Variants in NBEA observed in about 807,000 individuals in gnomAD.
NBEA encodes neurobeachin, also known as lysosomal-trafficking regulator 2.
A neutral mutation model predicts 343.4 loss-of-function variants in NBEA; 44 were observed. That is an observed-to-expected ratio of 0.13 (90% CI 0.10 to 0.16). The LOEUF (loss-of-function observed/expected upper bound fraction) is 0.16. Among genes scored for constraint, NBEA ranks in the 10% least tolerant of loss-of-function variants. The pLI is 1.00. For synonymous variants in NBEA, 1,175 were observed against 1,238.7 expected (o/e 0.95, Z 1.08); for missense variants, 2,555 against 3,631.3 (o/e 0.70, Z 7.62).
At chr13:35,374,658 A>G (rs1232997894) in intron 38 of NBEA, among the ~76,000 whole-genome samples, 10 of 152,152 alleles carry the variant, frequency 6.6e-5, no homozygotes, top group Non-Finnish European at 1.0e-4. Flanking sequence ...CAAATTGGTA[A>G]TAAATTTAAA....
chr13:34,949,844 T>A (rs1460848219), intron 1 of NBEA, among the ~76,000 whole-genome samples: 3 of 152,182 alleles, frequency 2.0e-5, no homozygotes, highest in Non-Finnish European at 4.4e-5. Context: ...TGCAGTAATT[T>A]GTCTTTGTCT....
At chr13:35,253,542 C>CT (rs2032227148) in intron 34 of NBEA, among the ~76,000 whole-genome samples, 1 of 152,178 alleles carries the variant, frequency 6.6e-6, no homozygotes, top group Non-Finnish European at 1.5e-5. Flanking sequence ...TTCAGTATCT[C>CT]TGAGGATGCC....
chr13:35,531,829 T>G (rs1004741761), intron 41 of NBEA, among the ~76,000 whole-genome samples: 6 of 152,232 alleles, frequency 3.9e-5, no homozygotes, highest in South Asian at 2.1e-4. Flanking sequence ...TGTCACCATT[T>G]TAAGTAAGCA....
intron 39 of NBEA, among the ~76,000 whole-genome samples, chr13:35,440,155 C>G (rs769051907): frequency 7.9e-5 from 12 of 152,218 alleles, no homozygotes; most frequent in Non-Finnish European, 1.8e-4. Flanking sequence ...GCTGGGGTTA[C>G]AGGCATGAGC....
At chr13:35,567,149 T>C in intron 45 of NBEA, 132 bp downstream of exon 45, 1 of 497,770 alleles carries the variant, frequency 2.0e-6, no homozygotes, top group South Asian at 3.3e-5. Context: ...CATAGTCAGT[T>C]TCTAAATCTT....
chr13:35,417,793 T>A (rs2044018069), intron 38 of NBEA, among the ~76,000 whole-genome samples: 2 of 152,168 alleles, frequency 1.3e-5, no homozygotes, highest in African/African-American at 4.8e-5. Context: ...ATATCCTTGT[T>A]AACTTTCTGT....
intron 39 of NBEA, among the ~76,000 whole-genome samples, chr13:35,442,615 C>A (rs1432679114): frequency 6.6e-6 from 1 of 152,030 alleles, no homozygotes; most frequent in Non-Finnish European, 1.5e-5. Context: ...ATAATATTTT[C>A]TTGCACTTTT....
chr13:35,067,273 T>C (rs1199202748), intron 8 of NBEA, among the ~76,000 whole-genome samples: 1 of 152,168 alleles, frequency 6.6e-6, no homozygotes, highest in Non-Finnish European at 1.5e-5. Flanking sequence ...CAGTTACCAC[T>C]TGGAGTCGTT....
intron 22 of NBEA, among the ~76,000 whole-genome samples, 161 bp downstream of exon 22, chr13:35,160,193 T>A (rs1257671170): frequency 6.6e-6 from 1 of 152,156 alleles, no homozygotes; most frequent in African/African-American, 2.4e-5. Context: ...TTCATGTATG[T>A]AAGAAACTAA....
intron 39 of NBEA, among the ~76,000 whole-genome samples, chr13:35,434,708 A>AAGCTCTCCCTGGAGTGATC (rs1194297469): frequency 6.6e-6 from 1 of 152,198 alleles, no homozygotes. Flanking sequence ...GGTGAGTGGG[A>AAGCTCTCCCTGGAGTGATC]AGCTCTCCCT....
intron 1 of NBEA, among the ~76,000 whole-genome samples, chr13:35,010,118 A>G (rs891228080): frequency 3.3e-5 from 5 of 152,230 alleles, no homozygotes; most frequent in African/African-American, 1.2e-4. Context: ...ATGAGGCTGC[A>G]AAATGGTCTG....
At chr13:35,277,887 G>C (rs2152808946) in intron 34 of NBEA, among the ~76,000 whole-genome samples, 1 of 151,158 alleles carries the variant, frequency 6.6e-6, no homozygotes, top group South Asian at 2.1e-4. Context: ...AGGAGTTTGA[G>C]ACCAGCCTGG....
chr13:35,630,393 A>T (rs890585008), intron 49 of NBEA, among the ~76,000 whole-genome samples: 1 of 152,154 alleles, frequency 6.6e-6, no homozygotes, highest in African/African-American at 2.4e-5. Context: ...AAAATGTAAA[A>T]ATTAAAAATT....
At chr13:35,324,245 G>T (rs2038383905) in intron 36 of NBEA, among the ~76,000 whole-genome samples, 1 of 152,216 alleles carries the variant, frequency 6.6e-6, no homozygotes, top group Non-Finnish European at 1.5e-5. Flanking sequence ...ATACAGGCAT[G>T]ACCTGTGTCA....
intron 41 of NBEA, among the ~76,000 whole-genome samples, chr13:35,502,796 C>CCTGCAAATAGATTTGGGA (rs2076938381): frequency 6.6e-6 from 1 of 152,086 alleles, no homozygotes; most frequent in Admixed American, 6.6e-5. Flanking sequence ...GGGATTTGGG[C>CCTGCAAATAGATTTGGGA]CTGCAAATAG....
chr13:35,141,656 C>T (rs561378761), intron 17 of NBEA, among the ~76,000 whole-genome samples: 10 of 152,242 alleles, frequency 6.6e-5, no homozygotes, highest in South Asian at 4.1e-4. Flanking sequence ...TTTAATGGAA[C>T]CTTCTATCCT....
intron 10 of NBEA, among the ~76,000 whole-genome samples, chr13:35,095,447 A>G (rs2065285396): frequency 6.6e-6 from 1 of 151,696 alleles, no homozygotes; most frequent in Non-Finnish European, 1.5e-5. Flanking sequence ...AGTAATAAAT[A>G]TGCTAATTTA....
At chr13:35,609,425 T>C (rs1439338252) in intron 48 of NBEA, among the ~76,000 whole-genome samples, 2 of 152,118 alleles carry the variant, frequency 1.3e-5, no homozygotes, top group Non-Finnish European at 1.5e-5. Flanking sequence ...GAGAAGAAAG[T>C]TTTAGGATGA....
chr13:35,512,220 A>G (rs1566246138), intron 41 of NBEA, among the ~76,000 whole-genome samples: 2 of 152,224 alleles, frequency 1.3e-5, no homozygotes, highest in South Asian at 2.1e-4. Context: ...CCCAGTATCA[A>G]TTAAAATCTT....
Sources: gnomAD v4.1 joint callset for allele counts (sites outside exome capture counted in the v4.1 genomes callset) on GRCh38, gnomAD v4.1.1 for gene constraint, MANE v1.5 for transcripts, NCBI Gene and HGNC (gene_info 2026-07-23, HGNC 2026-07-21) for gene names.